Variants in TSNARE1 observed in about 807,000 individuals in gnomAD.
TSNARE1 encodes the protein t-SNARE domain-containing protein 1.
In TSNARE1, 49 loss-of-function variants were observed where a neutral mutation model predicts 62.0. That is an observed-to-expected ratio of 0.79 (90% CI 0.63 to 1.00). TSNARE1 has a LOEUF of 1.00. Among genes scored for constraint, TSNARE1 ranks in the 50% least tolerant of loss-of-function variants. The pLI is 0.00. For missense variants in TSNARE1, 755 were observed against 700.1 expected, an observed-to-expected ratio of 1.08 and a Z score of -0.88; for synonymous variants, 328 against 294.4, an observed-to-expected ratio of 1.11 and a Z score of -1.17.
At chr8:142,318,733 T>C in intron 6 of TSNARE1, 99 bp from the exon 7 acceptor site, 1 of 1,082,224 alleles carries the variant, frequency 9.2e-7, no homozygotes. Flanking sequence ...ACGGGCCGAG[T>C]GGGGGAGACA....
chr8:142,222,749 CATCCACT>C lies in TSNARE1; in HGVS notation c.*11+6717_*11+6723del, dbSNP rs1371435599. Among the ~76,000 whole-genome samples, 691 of 101,284 alleles carry C rather than the reference CATCCACT, an allele frequency of 6.8e-3. 69 individuals are homozygous for C. Among genetic ancestry groups the C allele is most frequent in the African/African-American group, 0.022 (628 of 28,894 alleles). 66.4% of individuals were successfully genotyped at this position (101,284 alleles called of 152,430 possible). ...TCACTCATCCACTCACTCACTCACT[CATCCACT>C]CACTCACTCATTCACTCATCCACTC... On this transcript the variant is annotated intron_variant, in intron 13 of 13. Coordinates refer to ENST00000524325, the MANE Select transcript of TSNARE1 (RefSeq NM_145003.5).
intron 1 of TSNARE1, among the ~76,000 whole-genome samples, chr8:142,375,641 CA>C (rs1441807851): frequency 6.6e-6 from 1 of 152,256 alleles, no homozygotes; most frequent in Admixed American, 6.5e-5. Flanking sequence ...CATGCTCTCT[CA>C]AAGGTCTGAC....
chr8:142,326,890 G>A (rs1830356538), intron 6 of TSNARE1, among the ~76,000 whole-genome samples: 1 of 152,208 alleles, frequency 6.6e-6, no homozygotes, highest in Non-Finnish European at 1.5e-5. Context: ...TCAATTACCA[G>A]GAAAATACAA....
In TSNARE1 at chr8:142,303,439, A is replaced by T. The variant is rs1826111936; in HGVS notation, c.1132-2795T>A. Among the ~76,000 whole-genome samples, 5 of 152,232 alleles carry T rather than the reference A, an allele frequency of 3.3e-5. No homozygotes were observed. In the South Asian group the frequency reaches 8.3e-4, roughly 25 times the overall value. On this transcript the variant is annotated intron_variant, in intron 9 of 13. Coordinates refer to ENST00000524325, the MANE Select transcript of TSNARE1 (RefSeq NM_145003.5). ...AGGCCCGAGAACCCTCTCTTGGCCA[A>T]GGTGGGGAGAGGACTGCGCCTTGGC...
Position 142,390,171 on chromosome 8 carries a change from C to T in TSNARE1, c.-40+12933G>A, listed in dbSNP as rs116606800. Among the ~76,000 whole-genome samples, 1,164 of 151,996 alleles carry T rather than the reference C, an allele frequency of 7.7e-3. 18 individuals carry two copies. The highest frequency in any genetic ancestry group is 0.025 in the African/African-American group (1,044 of 41,254). On this transcript the variant is annotated intron_variant, in intron 1 of 13. Coordinates refer to ENST00000524325, the MANE Select transcript of TSNARE1 (RefSeq NM_145003.5). ...GGCTTGCAGGACTAGAAGTTGCCTG[C>T]GTGCGTCAGGGAGTGAGTGGCAAGT... is the stretch of plus-strand genomic sequence containing the variant.
chr8:142,338,132 C>T (rs1014421141), intron 4 of TSNARE1, among the ~76,000 whole-genome samples: 3 of 152,260 alleles, frequency 2.0e-5, no homozygotes, highest in Non-Finnish European at 4.4e-5. Flanking sequence ...CTGCCGTCCC[C>T]ATCCCCACCC....
chr8:142,235,989 C>T (rs549172971), intron 12 of TSNARE1, among the ~76,000 whole-genome samples: 15 of 152,254 alleles, frequency 9.9e-5, no homozygotes, highest in African/African-American at 2.6e-4. Flanking sequence ...CCAGGGGAGA[C>T]GGGCTCACCT....
At chr8:142,265,934 T>TA (rs1819115389) in intron 12 of TSNARE1, among the ~76,000 whole-genome samples, 1 of 152,264 alleles carries the variant, frequency 6.6e-6, no homozygotes, top group South Asian at 2.1e-4. Flanking sequence ...CAGTTGAAAT[T>TA]AGAGAGCTTT....
At chr8:142,294,149 CAG>C (rs1191622697) in intron 10 of TSNARE1, among the ~76,000 whole-genome samples, 1 of 152,022 alleles carries the variant, frequency 6.6e-6, no homozygotes, top group Non-Finnish European at 1.5e-5. Context: ...TCAGAGGATG[CAG>C]AGTGGCCAGA....
At chr8:142,321,763 A>C (rs1327837317) in intron 6 of TSNARE1, among the ~76,000 whole-genome samples, 1 of 152,246 alleles carries the variant, frequency 6.6e-6, no homozygotes, top group African/African-American at 2.4e-5. Context: ...TCAAAAAGAA[A>C]TAGAAAACCT....
intron 12 of TSNARE1, among the ~76,000 whole-genome samples, chr8:142,264,497 C>G (rs527542032): frequency 3.3e-5 from 5 of 152,188 alleles, no homozygotes; most frequent in Non-Finnish European, 7.3e-5. Context: ...CCCCATCAAT[C>G]TCTAAAACAA....
chr8:142,234,292 C>T (rs1349342030), intron 12 of TSNARE1, among the ~76,000 whole-genome samples: 1 of 150,914 alleles, frequency 6.6e-6, no homozygotes, highest in Non-Finnish European at 1.5e-5. Context: ...TCCATGACCC[C>T]AACCACAGGT....
intron 13 of TSNARE1, among the ~76,000 whole-genome samples, chr8:142,212,883 C>T (rs1456822823): frequency 3.2e-5 from 4 of 126,960 alleles, no homozygotes; most frequent in Admixed American, 3.1e-4. Flanking sequence ...ATCCTTCCTC[C>T]CCTTCCCTCT....
intron 1 of TSNARE1, among the ~76,000 whole-genome samples, chr8:142,358,660 C>T (rs898850980): frequency 1.3e-5 from 2 of 152,042 alleles, no homozygotes; most frequent in African/African-American, 4.8e-5. Flanking sequence ...ACCGAGTCAC[C>T]GCAGGCAGAG....
intron 9 of TSNARE1, among the ~76,000 whole-genome samples, chr8:142,305,869 A>T (rs1381023055): frequency 6.6e-6 from 1 of 152,198 alleles, no homozygotes; most frequent in Non-Finnish European, 1.5e-5. Flanking sequence ...GGGAAGAGAC[A>T]TGCTCTAACG....
intron 13 of TSNARE1, among the ~76,000 whole-genome samples, chr8:142,222,370 ATTC>A (rs1816359592): frequency 8.8e-6 from 1 of 114,072 alleles, no homozygotes; most frequent in Non-Finnish European, 1.9e-5. Flanking sequence ...TCATCCACTA[ATTC>A]ACTCACTCAC....
chr8:142,339,070 G>A (rs901943251), intron 4 of TSNARE1, among the ~76,000 whole-genome samples: 3 of 152,094 alleles, frequency 2.0e-5, no homozygotes, highest in African/African-American at 4.8e-5. Flanking sequence ...ATGGACAGAC[G>A]TGAGGAAAGA....
chr8:142,346,574 CCA>C (rs1301872521), intron 2 of TSNARE1, among the ~76,000 whole-genome samples: 2 of 152,390 alleles, frequency 1.3e-5, no homozygotes, highest in Non-Finnish European at 2.9e-5. Flanking sequence ...CCACGGCACC[CCA>C]GAGTCACAGA....
chr8:142,250,871 T>C (rs1818126900), intron 12 of TSNARE1, among the ~76,000 whole-genome samples: 2 of 152,176 alleles, frequency 1.3e-5, no homozygotes, highest in African/African-American at 2.4e-5. Flanking sequence ...GACGAGGGGC[T>C]AGCCTTTCCC....
Sources: allele counts gnomAD v4.1 joint callset (sites outside exome capture counted in the v4.1 genomes callset), GRCh38; gene constraint gnomAD v4.1.1; transcripts MANE v1.5; gene names NCBI Gene and HGNC (gene_info 2026-07-23, HGNC 2026-07-21).